Variants in GAB1 observed in about 807,000 individuals in gnomAD.
GAB1 encodes the protein GRB2 associated binding protein 1, also known as GRB2-associated-binding protein 1.
In GAB1, 19 loss-of-function variants were observed where a neutral mutation model predicts 66.5. The observed-to-expected ratio is 0.29, with a 90% confidence interval of 0.20 to 0.42. GAB1 has a LOEUF of 0.42. Among genes scored for constraint, GAB1 ranks in the 10% least tolerant of loss-of-function variants. The pLI is 1.00. For missense variants in GAB1, 732 were observed against 858.5 expected, an observed-to-expected ratio of 0.85 and a Z score of 1.84; for synonymous variants, 294 against 301.4, an observed-to-expected ratio of 0.98 and a Z score of 0.25.
intron 1 of GAB1, among the ~76,000 whole-genome samples, chr4:143,392,835 G>A (rs538551229): frequency 3.0e-4 from 45 of 152,180 alleles, no homozygotes; most frequent in African/African-American, 1.0e-3. Flanking sequence ...AACTACTATC[G>A]TATATAGCTA....
At chr4:143,337,293 C>G in intron 1 of GAB1, 33 bp downstream of exon 1, 1 of 1,546,778 alleles carries the variant, frequency 6.5e-7, no homozygotes, top group Non-Finnish European at 8.8e-7. Flanking sequence ...CTCCGCGGGC[C>G]TCGGCGTCCA....
intron 8 of GAB1, among the ~76,000 whole-genome samples, chr4:143,461,666 T>C (rs1456466261): frequency 1.3e-5 from 2 of 152,070 alleles, no homozygotes; most frequent in Admixed American, 6.5e-5. Flanking sequence ...AAAAATCCCA[T>C]GCATATGGGA....
intron 1 of GAB1, among the ~76,000 whole-genome samples, chr4:143,344,167 T>C (rs1384141547): frequency 6.6e-6 from 1 of 152,216 alleles, no homozygotes; most frequent in African/African-American, 2.4e-5. Flanking sequence ...ATTCATTTGC[T>C]TCTGAGTTCC....
At chr4:143,435,228 T>G (rs1379727572) in intron 3 of GAB1, among the ~76,000 whole-genome samples, 1 of 152,186 alleles carries the variant, frequency 6.6e-6, no homozygotes, top group Non-Finnish European at 1.5e-5. Context: ...ATAGCTCATA[T>G]TCATTCCAAA....
intron 1 of GAB1, among the ~76,000 whole-genome samples, chr4:143,407,818 G>T (rs1732136812): frequency 6.6e-6 from 1 of 152,030 alleles, no homozygotes; most frequent in Non-Finnish European, 1.5e-5. Context: ...CTTTGTCCCT[G>T]CTTCATGGTT....
At chr4:143,444,499 G>A (rs1734404824) in intron 6 of GAB1, among the ~76,000 whole-genome samples, 1 of 152,164 alleles carries the variant, frequency 6.6e-6, no homozygotes, top group Admixed American at 6.5e-5. Context: ...TTCCCTGGGT[G>A]ACTCTTTTGG....
intron 6 of GAB1, among the ~76,000 whole-genome samples, chr4:143,443,696 C>G (rs995627608): frequency 6.6e-6 from 1 of 151,862 alleles, no homozygotes; most frequent in Non-Finnish European, 1.5e-5. Flanking sequence ...TGATTAGTTT[C>G]AGAGCTCCAT....
rs1265249207 is a variant in GAB1, at chr4:143,440,349, C to G, written c.1552C>G (p.Pro518Ala). ...PVPVADCEPPPVDRNLKPDRK... is the reference protein window; with the variant it reads ...PVPVADCEPPAVDRNLKPDRK... ...TCCTGTTGCAGACTGTGAACCACCC[C>G]CCGTGGATAGGAACCTCAAGCCAGA... The change falls in exon 6 of 10, where the codon CCC (proline) becomes GCC (alanine). Residue 518 changes from proline (P) to alanine (A), a missense_variant. By Grantham distance (27) the Pro-to-Ala change is conservative. This residue lies in a region of GAB1 where 204 missense variants were observed against 276.8 expected (regional missense o/e 0.74). Coordinates refer to ENST00000262994, the MANE Select transcript of GAB1 (RefSeq NM_002039.4). 3.1e-6 allele frequency: 5 copies of G among 1,613,330 alleles called. No homozygotes were observed. Among genetic ancestry groups the G allele is most frequent in the South Asian group, 2.2e-5 (2 of 91,004 alleles).
chr4:143,392,724 ATT>A (rs1052511017), intron 1 of GAB1, among the ~76,000 whole-genome samples: 1 of 152,148 alleles, frequency 6.6e-6, no homozygotes, highest in African/African-American at 2.4e-5. Flanking sequence ...GCAACAACGA[ATT>A]TGTATTTATA....
At chr4:143,466,359 ATC>A (rs1735787527) in intron 9 of GAB1, 134 bp downstream of exon 9, 3 of 747,902 alleles carry the variant, frequency 4.0e-6, no homozygotes, top group Non-Finnish European at 5.9e-6. Context: ...ACTTGATGCT[ATC>A]TCATAAAACA....
intron 2 of GAB1, among the ~76,000 whole-genome samples, chr4:143,427,857 G>T (rs889414097): frequency 1.3e-5 from 2 of 152,192 alleles, no homozygotes; most frequent in Non-Finnish European, 2.9e-5. Context: ...AGCATCCCAG[G>T]TTCCCTTCTC....
At chr4:143,409,311 G>C (rs1190789564) in intron 1 of GAB1, among the ~76,000 whole-genome samples, 2 of 152,050 alleles carry the variant, frequency 1.3e-5, no homozygotes, top group Admixed American at 6.6e-5. Flanking sequence ...AGATGAGACA[G>C]GTAAGTATGG....
chr4:143,356,458 T>G (rs1256798765), intron 1 of GAB1, among the ~76,000 whole-genome samples: 1 of 133,136 alleles, frequency 7.5e-6, no homozygotes, highest in African/African-American at 2.5e-5. Context: ...TGTAAATGGT[T>G]AATGCTTGCT....
intron 1 of GAB1, among the ~76,000 whole-genome samples, chr4:143,384,781 C>CT (rs1730823751): frequency 6.6e-6 from 1 of 152,198 alleles, no homozygotes; most frequent in African/African-American, 2.4e-5. Context: ...ATGGCAGTAG[C>CT]TGGGGCCGAG....
At chr4:143,375,233 C>T (rs1013725098) in intron 1 of GAB1, among the ~76,000 whole-genome samples, 1 of 152,356 alleles carries the variant, frequency 6.6e-6, no homozygotes, top group Non-Finnish European at 1.5e-5. Context: ...CAGGCATCAG[C>T]CACTGCACCC....
At position 143,472,354 on chromosome 4, in the gene GAB1, G is replaced by A. The variant is rs1228351166; in HGVS notation, c.*3165G>A. ...AAATACTACTTTACTTGTACATTAA[G>A]GTCATAATTTCTGCTGGACTCTTTT... On this transcript the variant is annotated 3_prime_UTR_variant, in exon 10 of 10. Coordinates refer to ENST00000262994, the MANE Select transcript of GAB1 (RefSeq NM_002039.4). The A allele has an allele frequency of 1.3e-5, 2 of 152,022 alleles. No homozygotes were observed. The highest frequency in any genetic ancestry group is 2.9e-5 in the Non-Finnish European group (2 of 67,990). 9.4% of individuals were successfully genotyped at this position (152,022 alleles called of 1,614,324 possible).
intron 1 of GAB1, among the ~76,000 whole-genome samples, chr4:143,377,526 G>A (rs557491890): frequency 6.6e-5 from 10 of 152,290 alleles, no homozygotes; most frequent in Admixed American, 6.5e-4. Flanking sequence ...TCTTTTGGAG[G>A]ACCTCAGGAA....
At chr4:143,375,399 C>T (rs1386872473) in intron 1 of GAB1, among the ~76,000 whole-genome samples, 1 of 152,090 alleles carries the variant, frequency 6.6e-6, no homozygotes, top group African/African-American at 2.4e-5. Flanking sequence ...CTTTGCAAAC[C>T]CCATTGCTTC....
chr4:143,427,056 T>A (rs1008789229), intron 2 of GAB1, among the ~76,000 whole-genome samples: 2 of 152,078 alleles, frequency 1.3e-5, no homozygotes, highest in East Asian at 3.9e-4. Flanking sequence ...ACAGAATTTA[T>A]TGGGCCAAAG....
Sources: gnomAD v4.1 joint callset for allele counts (sites outside exome capture counted in the v4.1 genomes callset) on GRCh38, gnomAD v4.1.1 for gene constraint, gnomAD v4.1.1 regional missense constraint, MANE v1.5 for transcripts, NCBI Gene and HGNC (gene_info 2026-07-23, HGNC 2026-07-21) for gene names.